IL1RAPL1: variants seen among roughly 807,000 people sequenced by gnomAD.
IL1RAPL1 encodes interleukin-1 receptor accessory protein-like 1.
In IL1RAPL1, 3 loss-of-function variants were observed where a neutral mutation model predicts 48.4. The ratio of observed to expected loss-of-function variants is 0.06; its 90% CI spans 0.03 to 0.16. The LOEUF is 0.16. Among genes scored for constraint, IL1RAPL1 ranks in the 10% least tolerant of loss-of-function variants. IL1RAPL1 has a pLI of 1.00. For missense variants in IL1RAPL1, 349 were observed against 530.6 expected (o/e 0.66, Z 3.36); for synonymous variants, 185 against 187.7 (o/e 0.99, Z 0.12).
chrX:29,823,351 T>A (rs773724308), intron 6 of IL1RAPL1, among the ~76,000 whole-genome samples: 57 of 111,998 alleles, frequency 5.1e-4, no homozygotes, highest in African/African-American at 1.8e-3. Context: ...CTTCAAACTG[T>A]GAGATATTTC....
chrX:28,889,603 T>G lies in IL1RAPL1; in HGVS notation c.82+100178T>G, dbSNP rs1480768797. Among the ~76,000 whole-genome samples, 13 of 111,448 alleles carry G rather than the reference T, an allele frequency of 1.2e-4. No homozygotes were observed. In the Admixed American group the frequency reaches 1.2e-3, roughly 11 times the overall value. On this transcript the variant is annotated intron_variant, in intron 2 of 10. Coordinates refer to ENST00000378993, the MANE Select transcript of IL1RAPL1 (RefSeq NM_014271.4). Reference sequence around the variant, plus strand: ...GACATATTTTTTCACTCATCTCTTCTCTCCAACATCTTTCAACTTATTAAG... The same window carrying G: ...GACATATTTTTTCACTCATCTCTTCGCTCCAACATCTTTCAACTTATTAAG...
At chrX:29,439,990 CGTGT>C (rs60967823) in intron 5 of IL1RAPL1, among the ~76,000 whole-genome samples, 31,912 of 96,489 alleles carry the variant, frequency 0.33, 4,881 homozygotes, top group Admixed American at 0.48. Context: ...CAATTTGACA[CGTGT>C]GTGTGTGTGT....
chrX:29,511,664 C>T (rs1281892201), intron 5 of IL1RAPL1, among the ~76,000 whole-genome samples: 1 of 111,713 alleles, frequency 9.0e-6, no homozygotes, highest in Non-Finnish European at 1.9e-5. Context: ...TGAGTCTCCC[C>T]ATCAAGTCCT....
intron 2 of IL1RAPL1, among the ~76,000 whole-genome samples, chrX:28,852,121 C>T (rs758895612): frequency 9.0e-6 from 1 of 111,333 alleles, no homozygotes; most frequent in Non-Finnish European, 1.9e-5. Flanking sequence ...AGAACAGGGA[C>T]GCACACAGGG....
At chrX:29,158,092 C>T (rs1009765479) in intron 2 of IL1RAPL1, among the ~76,000 whole-genome samples, 1 of 110,780 alleles carries the variant, frequency 9.0e-6, no homozygotes, top group Non-Finnish European at 1.9e-5. Context: ...TTAGAATGAC[C>T]CCAAGGGAAT....
chrX:29,106,490 T>C (rs763452364), intron 2 of IL1RAPL1, among the ~76,000 whole-genome samples: 93 of 111,809 alleles, frequency 8.3e-4, no homozygotes, highest in African/African-American at 3.0e-3. Context: ...GGAATAAAAT[T>C]GAGATGGAGT....
In IL1RAPL1 at chrX:29,400,551, A is replaced by G. The variant is rs61501547; in HGVS notation, c.703+1243A>G. ...AGATTCTTCTTGGTGACTTTTGTGTATGATCATACTTGTAAAACTTATATA... is the reference window on the plus strand; with the variant it reads ...AGATTCTTCTTGGTGACTTTTGTGTGTGATCATACTTGTAAAACTTATATA... On this transcript the variant is annotated intron_variant, in intron 5 of 10. Transcript: ENST00000378993. Among the ~76,000 whole-genome samples, 704 of 112,185 alleles carry G rather than the reference A, an allele frequency of 6.3e-3. 7 individuals carry two copies. Among genetic ancestry groups the G allele is most frequent in the African/African-American group, 0.022 (675 of 30,952 alleles).
At chrX:29,687,621 T>C (rs185653475) in intron 6 of IL1RAPL1, among the ~76,000 whole-genome samples, 1 of 111,947 alleles carries the variant, frequency 8.9e-6, no homozygotes, top group Admixed American at 9.4e-5. Context: ...AAAAAGAATG[T>C]ATATTTCAAA....
At chrX:29,256,768 G>A (rs1351052883) in intron 2 of IL1RAPL1, among the ~76,000 whole-genome samples, 2 of 111,163 alleles carry the variant, frequency 1.8e-5, no homozygotes, top group Non-Finnish European at 3.8e-5. Flanking sequence ...AGCACTTATT[G>A]GTAACTTGTA....
chrX:28,799,184 G>A (rs1420577998), intron 2 of IL1RAPL1, among the ~76,000 whole-genome samples: 1 of 111,353 alleles, frequency 9.0e-6, no homozygotes, highest in Non-Finnish European at 1.9e-5. Context: ...GAGAGGATTG[G>A]GATACCATCC....
intron 1 of IL1RAPL1, among the ~76,000 whole-genome samples, chrX:28,609,294 C>T (rs1295349177): frequency 9.0e-6 from 1 of 111,194 alleles, no homozygotes; most frequent in Non-Finnish European, 1.9e-5. Flanking sequence ...TCCCTTTACC[C>T]TCTTGTTTCT....
intron 1 of IL1RAPL1, among the ~76,000 whole-genome samples, chrX:28,756,272 A>G (rs750798009): frequency 2.7e-5 from 3 of 110,900 alleles, no homozygotes; most frequent in African/African-American, 6.6e-5. Context: ...TGGCCCAACT[A>G]TGCCTTCCTT....
At chrX:28,655,057 T>A (rs1601848269) in intron 1 of IL1RAPL1, among the ~76,000 whole-genome samples, 1 of 111,135 alleles carries the variant, frequency 9.0e-6, no homozygotes, top group African/African-American at 3.3e-5. Flanking sequence ...GGACCAAATT[T>A]AGTTCCCATT....
chrX:28,603,728 G>C (rs1176311403), intron 1 of IL1RAPL1, among the ~76,000 whole-genome samples: 1 of 112,042 alleles, frequency 8.9e-6, no homozygotes, highest in Non-Finnish European at 1.9e-5. Context: ...GAGGTGTCCT[G>C]GTCTAAGCAA....
intron 6 of IL1RAPL1, among the ~76,000 whole-genome samples, chrX:29,868,789 A>G (rs926753421): frequency 8.9e-6 from 1 of 112,338 alleles, no homozygotes; most frequent in African/African-American, 3.2e-5. Context: ...CAAACATTAA[A>G]CCAAAGGAAT....
intron 2 of IL1RAPL1, among the ~76,000 whole-genome samples, chrX:29,202,410 G>T (rs1430354742): frequency 8.9e-6 from 1 of 112,149 alleles, no homozygotes; most frequent in Non-Finnish European, 1.9e-5. Flanking sequence ...CACTGCTACT[G>T]GGAATGTAAA....
At chrX:29,725,466 T>C (rs1927750693) in intron 6 of IL1RAPL1, among the ~76,000 whole-genome samples, 1 of 111,675 alleles carries the variant, frequency 9.0e-6, no homozygotes, top group African/African-American at 3.3e-5. Context: ...GATAAGCTTG[T>C]CAGCTGGTAG....
At chrX:28,722,936 A>T in intron 1 of IL1RAPL1, among the ~76,000 whole-genome samples, 1 of 111,397 alleles carries the variant, frequency 9.0e-6, no homozygotes, top group East Asian at 2.8e-4. Context: ...CACCCCAGGG[A>T]TGAAGTCCAC....
intron 3 of IL1RAPL1, among the ~76,000 whole-genome samples, chrX:29,334,067 G>A (rs1386765532): frequency 7.5e-5 from 6 of 80,508 alleles, no homozygotes; most frequent in Non-Finnish European, 1.5e-4. Context: ...CTGGCCGGGC[G>A]GGGGGCTGAC....
Sources: allele counts gnomAD v4.1 joint callset (sites outside exome capture counted in the v4.1 genomes callset), GRCh38; gene constraint gnomAD v4.1.1; transcripts MANE v1.5; gene names NCBI Gene and HGNC (gene_info 2026-07-23, HGNC 2026-07-21).